The following LRIT1 variants were observed in gnomAD, a reference collection of about 807,000 sequenced individuals.
LRIT1 encodes the protein leucine rich repeat, Ig-like and transmembrane domains 1.
LRIT1 carries 23 observed loss-of-function variants against 24.0 expected under a neutral mutation model. The ratio of observed to expected loss-of-function variants is 0.96; its 90% CI spans 0.69 to 1.36. The LOEUF (loss-of-function observed/expected upper bound fraction) is 1.36, where lower values mean the gene tolerates loss of function less well. Ranked by LOEUF, LRIT1 falls within the 40% of genes most tolerant of loss-of-function variation. The pLI, the probability that LRIT1 is intolerant of heterozygous loss-of-function variation, is 0.00. For missense variants in LRIT1, 846 were observed against 806.3 expected (o/e 1.05, Z -0.60); for synonymous variants, 361 against 340.5 (o/e 1.06, Z -0.66).
At position 84,237,200 on chromosome 10, in the gene LRIT1, T is replaced by G; in HGVS notation, c.589+20A>C. The G allele has an allele frequency of 6.5e-7, 1 of 1,528,656 alleles. No homozygotes were observed. 94.7% of individuals were successfully genotyped at this position (1,528,656 alleles called of 1,614,324 possible). ...GTGGTAACTTGCCTAAGACCCCAGG[T>G]GAAGGTTGCCGACCCTTACCTAGGA... is the stretch of plus-strand genomic sequence containing the variant. On this transcript the variant is annotated intron_variant, in intron 2 of 3. Transcript: ENST00000372105.
rs1179473597 is a variant in LRIT1 at position 84,232,398 on chromosome 10, C to A, written c.1401G>T (p.Gly467=). The change falls in exon 4 of 4, where the codon GGG becomes GGT. Residue 467 remains glycine, a synonymous_variant. Transcript: ENST00000372105. The part of the protein sequence containing the change: ...TAFSVLYAVF[G]QHSMRRVIVQ... ...CAATCACCCGCCGCATGCTGTGCTG[C>A]CCAAAGACCGCGTAGAGGACACTGA... 1.2e-6 allele frequency: 2 copies of A among 1,614,100 alleles called. No individual in the cohort carries two copies. Among genetic ancestry groups the A allele is most frequent in the Non-Finnish European group, 8.5e-7 (1 of 1,180,004 alleles).
intron 3 of LRIT1, among the ~76,000 whole-genome samples, chr10:84,233,407 A>G (rs1224175183): frequency 6.6e-6 from 1 of 152,060 alleles, no homozygotes; most frequent in Non-Finnish European, 1.5e-5. Flanking sequence ...GACTCCAGCA[A>G]TCCTCCTGCC....
Position 84,232,188 on chromosome 10 carries a change from G to T in LRIT1, c.1611C>A (p.Ile537=). Residue 537 remains isoleucine, a synonymous_variant, in exon 4 of 4, where the codon ATC becomes ATA. Coordinates refer to ENST00000372105, the MANE Select transcript of LRIT1 (RefSeq NM_015613.3). The part of the protein sequence containing the change: ...LINVVVISVA[I]VIALPLTLLV... ...GCAGCGTGAGAGGCAGGGCAATGAC[G>T]ATGGCCACACTGATCACCACCACAT... 1 of 1,614,190 alleles carries T rather than the reference G, an allele frequency of 6.2e-7. No individual in the cohort carries two copies. Among genetic ancestry groups the T allele is most frequent in the Non-Finnish European group, 8.5e-7 (1 of 1,180,036 alleles).
Position 84,232,099 on chromosome 10 carries a change from G to A in LRIT1, c.1700C>T (p.Ala567Val), listed in dbSNP as rs557220558. The stretch of plus-strand genomic sequence containing the variant: ...CTCTAGGTTGACGTAGGTAACTGTG[G>A]CCTCAGTGGAGTCCTTGTTGAAGCA... ...RKCFNKDSTE[A>V]TVTYVNLERL... The change falls in exon 4 of 4, where the codon GCC becomes GTC. Residue 567 changes from alanine to valine, a missense_variant. Ala to Val is a moderately conservative substitution (Grantham distance 64). Transcript: ENST00000372105. 3.7e-6 allele frequency: 6 copies of A among 1,614,140 alleles called. No homozygotes were observed. The highest frequency in any genetic ancestry group is 2.7e-5 in the African/African-American group (2 of 75,024).
At position 84,231,692 on chromosome 10, in the gene LRIT1, C is replaced by T. The variant is rs1484252380; in HGVS notation, c.*235G>A. ...CAGGGAAATGGAGAGAATAGTGATG[C>T]CTGCTGCAAATGATTGTTACAAGAA... On this transcript the variant is annotated 3_prime_UTR_variant, in exon 4 of 4. Coordinates refer to ENST00000372105, the MANE Select transcript of LRIT1 (RefSeq NM_015613.3). 1.8e-6 allele frequency: 1 copy of T among 542,736 alleles called. No individual in the cohort carries two copies. Among genetic ancestry groups the T allele is most frequent in the Non-Finnish European group, 3.3e-6 (1 of 304,810 alleles). 33.6% of individuals were successfully genotyped at this position (542,736 alleles called of 1,614,324 possible). A position where few individuals can be genotyped will look rare whatever the true frequency, so the allele number is the denominator to read the frequency against.
At chr10:84,239,467 G>T (rs1228320028) in intron 1 of LRIT1, among the ~76,000 whole-genome samples, 1 of 152,212 alleles carries the variant, frequency 6.6e-6, no homozygotes, top group Admixed American at 6.5e-5. Context: ...ACAGGTTTGG[G>T]TATTGCAAGG....
Position 84,237,382 on chromosome 10 carries a change from G to T in LRIT1, c.427C>A (p.Leu143Ile). Reference protein sequence around the residue: ...LRLLDLQANRLSAVPAEAARF... With the variant: ...LRLLDLQANRISAVPAEAARF... Reference sequence around the variant, plus strand: ...GCGGCCTCAGCGGGCACAGCCGAGAGGCGGTTGGCCTGCAGGTCCAGCAGC... The same window carrying T: ...GCGGCCTCAGCGGGCACAGCCGAGATGCGGTTGGCCTGCAGGTCCAGCAGC... The change falls in exon 2 of 4, where the codon CTC (leucine) becomes ATC (isoleucine). Residue 143 changes from leucine (L) to isoleucine (I), a missense_variant. By Grantham distance (5) the Leu-to-Ile change is conservative. Transcript: ENST00000372105. 6.5e-7 allele frequency: 1 copy of T among 1,549,012 alleles called. No individual in the cohort carries two copies. Among genetic ancestry groups the T allele is most frequent in the Non-Finnish European group, 8.7e-7 (1 of 1,146,900 alleles).
chr10:84,238,090 A>G (rs1842667240), intron 1 of LRIT1, among the ~76,000 whole-genome samples: 1 of 152,322 alleles, frequency 6.6e-6, no homozygotes, highest in South Asian at 2.1e-4. Context: ...ACAGTGGCTC[A>G]CGCCTGTAAT....
At chr10:84,241,227 C>T (rs1589325657) in intron 1 of LRIT1, 91 bp downstream of exon 1, 2 of 1,585,642 alleles carry the variant, frequency 1.3e-6, no homozygotes, top group East Asian at 2.2e-5. Flanking sequence ...GAAGACCTCA[C>T]CCAGGGCCCC....
rs1842602719 is a variant in LRIT1, at chr10:84,232,067, C to A, written c.1732G>T (p.Gly578Cys). The change falls in exon 4 of 4, where the codon GGC (glycine) becomes TGC (cysteine). Residue 578 changes from glycine to cysteine, a missense_variant. Transcript: ENST00000372105. ...TCCTCCAAGCCGTCCTCGCTGTAGC[C>A]CAGTCTCTCTAGGTTGACGTAGGTA... ...TVTYVNLERL[G>C]YSEDGLEELS... The A allele has an allele frequency of 1.9e-6, 3 of 1,614,186 alleles. No homozygotes were observed. Among genetic ancestry groups the A allele is most frequent in the Non-Finnish European group, 2.5e-6 (3 of 1,180,040 alleles).
chr10:84,239,567 G>A (rs1396368475), intron 1 of LRIT1, among the ~76,000 whole-genome samples: 6 of 152,186 alleles, frequency 3.9e-5, no homozygotes, highest in Admixed American at 3.9e-4. Flanking sequence ...GCATTTAAAG[G>A]AAACCATAAG....
chr10:84,237,368 G>C lies in LRIT1; in HGVS notation c.441C>G (p.Pro147=). 3 of 1,549,786 alleles carry C rather than the reference G, an allele frequency of 1.9e-6. No individual in the cohort carries two copies. The highest frequency in any genetic ancestry group is 2.6e-6 in the Non-Finnish European group (3 of 1,146,900). ...DLQANRLSAV[P]AEAARFLENL... is the part of the protein sequence containing the mutation. Reference sequence around the variant, plus strand: ...TCTCCAGGAAGCGCGCGGCCTCAGCGGGCACAGCCGAGAGGCGGTTGGCCT... The same window carrying C: ...TCTCCAGGAAGCGCGCGGCCTCAGCCGGCACAGCCGAGAGGCGGTTGGCCT... The change falls in exon 2 of 4, where the codon CCC becomes CCG. Residue 147 remains proline, a synonymous_variant. Transcript: ENST00000372105.
Position 84,234,210 on chromosome 10 carries a change from C to T in LRIT1, c.758G>A (p.Gly253Asp). ...GGCCACTCCTGGATGGAGCTCTGGGCCCTGGCACTTCCTCAGTTCAAGCTG... is the reference window on the plus strand; with the variant it reads ...GGCCACTCCTGGATGGAGCTCTGGGTCCTGGCACTTCCTCAGTTCAAGCTG... ...FSQLELRKCQ[G>D]PELHPGVASI... Residue 253 changes from glycine (G) to aspartate (D), a missense_variant, in exon 3 of 4, where the codon GGC becomes GAC. Physicochemically the swap from Gly to Asp is moderately conservative, Grantham distance 94. Coordinates refer to ENST00000372105, the MANE Select transcript of LRIT1 (RefSeq NM_015613.3). The T allele has an allele frequency of 6.2e-7, 1 of 1,614,054 alleles. No individual in the cohort carries two copies.
Position 84,232,881 on chromosome 10 carries a change from G to T in LRIT1, c.918C>A (p.Asp306Glu). The T allele has an allele frequency of 6.2e-7, 1 of 1,612,040 alleles. No homozygotes were observed. Among genetic ancestry groups the T allele is most frequent in the Non-Finnish European group, 8.5e-7 (1 of 1,179,830 alleles). Residue 306 changes from aspartate (D) to glutamate (E), a missense_variant, in exon 4 of 4, where the codon GAC (aspartate) becomes GAA (glutamate). By Grantham distance (45) the Asp-to-Glu change is conservative. Transcript: ENST00000372105. ...GGCCCAGCAGAGTCCAGCTCGTGCCGTCACTGGAGACTTCCTGGTGCACTA... is the reference window on the plus strand; with the variant it reads ...GGCCCAGCAGAGTCCAGCTCGTGCCTTCACTGGAGACTTCCTGGTGCACTA... ...NGTVHQEVSS[D>E]GTSWTLLGLP...
chr10:84,232,278 C>T lies in LRIT1; in HGVS notation c.1521G>A (p.Lys507=), dbSNP rs1457300887. 2 of 1,614,000 alleles carry T rather than the reference C, an allele frequency of 1.2e-6. No homozygotes were observed. The highest frequency in any genetic ancestry group is 2.7e-5 in the African/African-American group (2 of 74,938). The part of the protein sequence containing the change: ...CVCVQGLVPR[K]EQCVIFSTNE... The stretch of plus-strand genomic sequence containing the variant: ...TGGTGGAGAAAATAACACACTGCTC[C>T]TTCCGGGGCACCAGGCCCTGCACAC... The change falls in exon 4 of 4, where the codon AAG becomes AAA. Residue 507 remains lysine, a synonymous_variant. Transcript: ENST00000372105.
intron 2 of LRIT1, among the ~76,000 whole-genome samples, chr10:84,236,793 T>C (rs1458299557): frequency 6.6e-6 from 1 of 152,364 alleles, no homozygotes; most frequent in East Asian, 1.9e-4. Flanking sequence ...GTATGAGTTG[T>C]ATAATTCAAA....
chr10:84,237,924 C>T (rs1016687809), intron 1 of LRIT1, among the ~76,000 whole-genome samples: 1 of 152,172 alleles, frequency 6.6e-6, no homozygotes, highest in Non-Finnish European at 1.5e-5. Flanking sequence ...ATTTGGTCTT[C>T]ACGGTCCGGC....
At chr10:84,236,024 C>T (rs976158176) in intron 2 of LRIT1, among the ~76,000 whole-genome samples, 2 of 151,156 alleles carry the variant, frequency 1.3e-5, no homozygotes, top group African/African-American at 2.4e-5. Context: ...CGGCCGGGTG[C>T]GGTGGCTCAC....
chr10:84,232,141 T>C lies in LRIT1; in HGVS notation c.1658A>G (p.Gln553Arg). 1 of 1,614,186 alleles carries C rather than the reference T, an allele frequency of 6.2e-7. No individual in the cohort carries two copies. Among genetic ancestry groups the C allele is most frequent in the African/African-American group, 1.3e-5 (1 of 75,056 alleles). Residue 553 changes from glutamine (Q) to arginine (R), a missense_variant, in exon 4 of 4, where the codon CAG becomes CGG. Physicochemically the swap from Gln to Arg is conservative, Grantham distance 43 (BLOSUM62 1). Transcript: ENST00000372105. ...GTTGAAGCACTTTCGGCAGCGCTTC[T>C]GAAGAGCACTGCAGCAGACAAGCAG... ...LTLLVCCSAL[Q>R]KRCRKCFNKD...
Sources: allele counts gnomAD v4.1 joint callset (sites outside exome capture counted in the v4.1 genomes callset), GRCh38; gene constraint gnomAD v4.1.1; transcripts MANE v1.5; gene names NCBI Gene and HGNC (gene_info 2026-07-23, HGNC 2026-07-21).